Variants in P2RY6 observed in about 807,000 individuals in gnomAD.
P2RY6 encodes P2Y purinoceptor 6.
In P2RY6, 19 loss-of-function variants were observed where a neutral mutation model predicts 16.3. The ratio of observed to expected loss-of-function variants is 1.16; its 90% CI spans 0.81 to 1.71. The LOEUF is 1.71. Ranked by LOEUF, P2RY6 falls within the 40% of genes most tolerant of loss-of-function variation. The pLI is 0.00. For missense variants in P2RY6, 389 were observed against 455.5 expected (o/e 0.85, Z 1.33); for synonymous variants, 184 against 201.5 (o/e 0.91, Z 0.74).
chr11:73,289,227 T>G (rs2135737469), intron 1 of P2RY6, among the ~76,000 whole-genome samples: 1 of 152,320 alleles, frequency 6.6e-6, no homozygotes, highest in South Asian at 2.1e-4. Flanking sequence ...ACTGACCCCA[T>G]GGTTGTCGCC....
chr11:73,284,818 C>T (rs1446012331), intron 1 of P2RY6, among the ~76,000 whole-genome samples: 3 of 151,340 alleles, frequency 2.0e-5, no homozygotes, highest in African/African-American at 7.3e-5. Flanking sequence ...GTACATGCAG[C>T]AGTGAAAAAA....
intron 2 of P2RY6, 30 bp downstream of exon 2, chr11:73,295,845 AGAGTTATCAG>A (rs1864451055): frequency 2.2e-6 from 2 of 914,724 alleles, no homozygotes; most frequent in South Asian, 1.0e-4. Context: ...TGGTTAACTA[AGAGTTATCAG>A]GGCCCTTTTC....
chr11:73,286,044 C>T (rs183496895), intron 1 of P2RY6, among the ~76,000 whole-genome samples: 165 of 152,342 alleles, frequency 1.1e-3, no homozygotes, highest in African/African-American at 3.8e-3. Flanking sequence ...GGAGTGAGCT[C>T]CCTGCAATGG....
chr11:73,276,421 A>T (rs1863539439), intron 1 of P2RY6, among the ~76,000 whole-genome samples: 1 of 152,250 alleles, frequency 6.6e-6, no homozygotes, highest in South Asian at 2.1e-4. Context: ...ACAAATGTTC[A>T]CAACAGCATT....
intron 1 of P2RY6, among the ~76,000 whole-genome samples, chr11:73,291,486 T>C (rs1306556551): frequency 6.6e-6 from 1 of 152,066 alleles, no homozygotes; most frequent in Non-Finnish European, 1.5e-5. Flanking sequence ...AACCAGGAGG[T>C]CCACACTCAG....
At chr11:73,275,673 G>A (rs1407679332) in intron 1 of P2RY6, among the ~76,000 whole-genome samples, 1 of 151,070 alleles carries the variant, frequency 6.6e-6, no homozygotes, top group Non-Finnish European at 1.5e-5. Flanking sequence ...AGGAAACAGA[G>A]GCACAGAGAG....
upstream of P2RY6, among the ~76,000 whole-genome samples, chr11:73,271,269 T>A (rs115388967): frequency 0.014 from 2,145 of 152,146 alleles, 32 homozygotes; most frequent in African/African-American, 0.049. Flanking sequence ...GGGTCAGCCT[T>A]TCCCCCCCGG....
At chr11:73,277,619 A>C (rs1327889102) in intron 1 of P2RY6, among the ~76,000 whole-genome samples, 2 of 152,252 alleles carry the variant, frequency 1.3e-5, no homozygotes, top group Non-Finnish European at 2.9e-5. Flanking sequence ...AGGACAATGC[A>C]AAGGGGGCCA....
intron 1 of P2RY6, chr11:73,292,720 G>C: frequency 2.4e-6 from 2 of 824,294 alleles, no homozygotes; most frequent in Non-Finnish European, 2.9e-6. Flanking sequence ...GCGTGGTGTT[G>C]GGGATGGCAG....
At chr11:73,272,532 T>C in intron 1 of P2RY6, 66 bp downstream of exon 1, 2 of 984,698 alleles carry the variant, frequency 2.0e-6, no homozygotes, top group African/African-American at 3.5e-5. Flanking sequence ...GCTTCCTGAG[T>C]AACTGCAGTC....
At chr11:73,287,105 A>G (rs1182831116) in intron 1 of P2RY6, among the ~76,000 whole-genome samples, 1 of 152,236 alleles carries the variant, frequency 6.6e-6, no homozygotes, top group African/African-American at 2.4e-5. Context: ...TGCTGTTCTC[A>G]GGAAACGATG....
upstream of P2RY6, among the ~76,000 whole-genome samples, chr11:73,271,275 C>A (rs553701832): frequency 5.3e-3 from 801 of 152,292 alleles, 3 homozygotes; most frequent in Non-Finnish European, 7.5e-3. Context: ...GCCTTTCCCC[C>A]CCGGCATCAC....
intron 2 of P2RY6, among the ~76,000 whole-genome samples, chr11:73,296,233 AATAT>A (rs1554992362): frequency 1.1e-3 from 134 of 124,488 alleles, no homozygotes; most frequent in African/African-American, 4.0e-3. Context: ...GAAAAAAAAA[AATAT>A]ATATATATAT....
chr11:73,291,741 G>C (rs1469843802), intron 1 of P2RY6, among the ~76,000 whole-genome samples: 1 of 152,178 alleles, frequency 6.6e-6, no homozygotes, highest in African/African-American at 2.4e-5. Context: ...CACCTCCCAG[G>C]GTAGAAGATG....
At position 73,281,768 on chromosome 11, in the gene P2RY6, C is replaced by A. The variant is rs569724752; in HGVS notation, c.-121+9302C>A. On this transcript the variant is annotated intron_variant, in intron 1 of 2. Transcript: ENST00000540124. The stretch of plus-strand genomic sequence containing the variant: ...ATCCCAGGAGCCGAATGTCTCTCCT[C>A]TCTTGGCCTCAGTTACCCTCACTGC... Among the ~76,000 whole-genome samples, 3 of 152,354 alleles carry A rather than the reference C, an allele frequency of 2.0e-5. No individual in the cohort carries two copies. The South Asian group carries it at 6.2e-4, about 32-fold the overall frequency.
intron 1 of P2RY6, among the ~76,000 whole-genome samples, chr11:73,283,662 G>A (rs989416967): frequency 6.6e-6 from 1 of 152,200 alleles, no homozygotes; most frequent in Admixed American, 6.5e-5. Context: ...AAGACAGAGT[G>A]CCCACTGCTC....
At chr11:73,273,428 G>A (rs1028203505) in intron 1 of P2RY6, among the ~76,000 whole-genome samples, 1 of 152,146 alleles carries the variant, frequency 6.6e-6, no homozygotes. Context: ...AAGCCCCTGG[G>A]TGTGTACGTG....
intron 1 of P2RY6, among the ~76,000 whole-genome samples, chr11:73,289,990 G>T (rs1864134546): frequency 6.6e-6 from 1 of 152,104 alleles, no homozygotes; most frequent in Non-Finnish European, 1.5e-5. Flanking sequence ...GCGAGGCCGA[G>T]GCAGGTGGAT....
chr11:73,297,070 C>G lies in P2RY6; in HGVS notation c.552C>G (p.Ala184=). ...RTVCYDLSPP[A]LATHYMPYGM... ...TCTGCTATGACCTCAGCCCGCCTGC[C>G]CTGGCCACCCACTATATGCCCTATG... Residue 184 remains alanine (A), a synonymous_variant, in exon 3 of 3, where the codon GCC becomes GCG. Coordinates refer to ENST00000540124, the MANE Select transcript of P2RY6 (RefSeq NM_001277204.2). 6.2e-7 allele frequency: 1 copy of G among 1,601,980 alleles called. No individual in the cohort carries two copies. The highest frequency in any genetic ancestry group is 2.2e-5 in the East Asian group (1 of 44,882).
Sources: allele counts gnomAD v4.1 joint callset (sites outside exome capture counted in the v4.1 genomes callset), GRCh38; gene constraint gnomAD v4.1.1; transcripts MANE v1.5; gene names NCBI Gene and HGNC (gene_info 2026-07-23, HGNC 2026-07-21).